Variants in PSG2 observed in about 807,000 individuals in gnomAD.
PSG2 encodes the protein pregnancy-specific beta-1-glycoprotein 2.
A neutral mutation model predicts 36.2 loss-of-function variants in PSG2; 49 were observed. The ratio of observed to expected loss-of-function variants is 1.35; its 90% CI spans 1.08 to 1.72. The LOEUF (loss-of-function observed/expected upper bound fraction) is 1.72, where lower values mean the gene tolerates loss of function less well. PSG2 is among the 40% of genes most tolerant of loss of function. The probability of loss-of-function intolerance (pLI) is 0.00; values close to 1 mark genes in which losing one functional copy is unlikely to be tolerated. For missense variants in PSG2, 605 were observed against 407.2 expected (o/e 1.49, Z -4.18); for synonymous variants, 261 against 155.6 (o/e 1.68, Z -5.04).
chr19:43,077,119 T>G (rs1366127596), intron 2 of PSG2, among the ~76,000 whole-genome samples: 1 of 151,660 alleles, frequency 6.6e-6, no homozygotes, highest in Non-Finnish European at 1.5e-5. Context: ...AAGTGGAAAT[T>G]TTTACTGATG....
At chr19:43,066,014 A>G (rs1248998687) in intron 5 of PSG2, 2 of 157,560 alleles carry the variant, frequency 1.3e-5, no homozygotes, top group African/African-American at 2.4e-5. Flanking sequence ...AGGTAAAGGA[A>G]GTGAGAAGCC....
chr19:43,079,291 C>T (rs1363515299), intron 2 of PSG2, among the ~76,000 whole-genome samples: 2 of 151,326 alleles, frequency 1.3e-5, no homozygotes, highest in Non-Finnish European at 2.9e-5. Flanking sequence ...ACCAAGGAGC[C>T]CTGAGAACCC....
At chr19:43,082,264 C>T (rs984818757) in intron 1 of PSG2, 3 of 526,100 alleles carry the variant, frequency 5.7e-6, no homozygotes, top group Admixed American at 6.9e-5. Context: ...CCACAGCCTC[C>T]TGAGTAGCTG....
chr19:43,080,928 C>A lies in PSG2; in HGVS notation c.383G>T (p.Gly128Val), dbSNP rs1454741036. Residue 128 changes from glycine to valine, a missense_variant, in exon 2 of 6, where the codon GGT (glycine) becomes GTT (valine). Gly to Val is a moderately radical substitution (Grantham distance 109). Coordinates refer to ENST00000406487, the MANE Select transcript of PSG2 (RefSeq NM_031246.4). ...TCCAGTTACTCCTCTAGTCCCATCA[C>A]CTCGCTTTATGATGTGTAAGGTGTA... ...GSYTLHIIKR[G>V]DGTRGVTGYF... 4 of 1,612,788 alleles carry A rather than the reference C, an allele frequency of 2.5e-6. No homozygotes were observed. Among genetic ancestry groups the A allele is most frequent in the Non-Finnish European group, 3.4e-6 (4 of 1,179,510 alleles).
In PSG2 at chr19:43,082,516, G is replaced by A; in HGVS notation, c.54C>T (p.Leu18=). 4 of 1,611,788 alleles carry A rather than the reference G, an allele frequency of 2.5e-6. No homozygotes were observed. The highest frequency in any genetic ancestry group is 3.4e-6 in the Non-Finnish European group (4 of 1,178,990). Residue 18 remains leucine, a synonymous_variant, in exon 1 of 6, where the codon CTC becomes CTT. Coordinates refer to ENST00000406487, the MANE Select transcript of PSG2 (RefSeq NM_031246.4). The stretch of plus-strand genomic sequence containing the variant: ...AAGTTCTCTCCTCACCTGTGACCAG[G>A]AGCCCCTTCCATTTGATGTGCTCTG... ...PCTEHIKWKG[L]LVTASLLNFW...
chr19:43,066,559 A>G lies in PSG2; in HGVS notation c.1006T>C (p.Ter336GlnextTer3). The G allele has an allele frequency of 6.3e-7, 1 of 1,596,536 alleles. No homozygotes were observed. The highest frequency in any genetic ancestry group is 8.6e-7 in the Non-Finnish European group (1 of 1,164,822). ...ATACAGAAATGACATCACAGCTGCT[A>G]TGTTGGATTAAGGAGAGGAAGAAGT... ...IGLLPLLNPT[*>Q] is the part of the protein sequence containing the mutation. The change falls in exon 5 of 6, where the codon TAG becomes CAG. Residue 336 changes from the stop codon to glutamine, a stop_lost. Transcript: ENST00000406487.
At chr19:43,069,644 G>C (rs1005779452) in intron 4 of PSG2, among the ~76,000 whole-genome samples, 15 of 151,606 alleles carry the variant, frequency 9.9e-5, no homozygotes, top group Non-Finnish European at 1.6e-4. Context: ...GGGAAAGCTG[G>C]ATATTCAAGG....
intron 5 of PSG2, 124 bp from the exon 6 acceptor site, chr19:43,064,725 T>C (rs12977426): frequency 0.16 from 58,495 of 355,216 alleles, 6,267 homozygotes; most frequent in Non-Finnish European, 0.22. Flanking sequence ...GAGAATTTAT[T>C]ATGGTAAAGA....
intron 1 of PSG2, 119 bp downstream of exon 1, chr19:43,082,387 A>C: frequency 6.8e-7 from 1 of 1,472,678 alleles, no homozygotes; most frequent in Non-Finnish European, 9.4e-7. Flanking sequence ...TGATCCACCC[A>C]CCTCAGCCTC....
chr19:43,074,322 C>T (rs1334568395), intron 3 of PSG2, among the ~76,000 whole-genome samples: 1 of 151,678 alleles, frequency 6.6e-6, no homozygotes, highest in Non-Finnish European at 1.5e-5. Flanking sequence ...TCTTCCAATC[C>T]ATGAAAATGA....
intron 2 of PSG2, 121 bp downstream of exon 2, chr19:43,080,760 C>T: frequency 1.3e-6 from 2 of 1,587,356 alleles, no homozygotes; most frequent in South Asian, 1.1e-5. Flanking sequence ...ATGCCCAAAC[C>T]CCAGCATGGG....
chr19:43,081,315 G>C, intron 1 of PSG2, 69 bp from the exon 2 acceptor site: 2 of 1,546,678 alleles, frequency 1.3e-6, no homozygotes, highest in Non-Finnish European at 1.7e-6. Context: ...GGGGCCCTGG[G>C]TCCTGAGGAG....
In PSG2 at chr19:43,082,399, C is replaced by T. The variant is rs1382768989; in HGVS notation, c.64+107G>A. ...TCGTGATCCACCCACCTCAGCCTCC[C>T]TAAGTGCTGGCTTCTTTCATTTTTT... On this transcript the variant is annotated intron_variant, in intron 1 of 5. Coordinates refer to ENST00000406487, the MANE Select transcript of PSG2 (RefSeq NM_031246.4). 8 of 1,522,622 alleles carry T rather than the reference C, an allele frequency of 5.3e-6. 1 individual carries two copies. In the Admixed American group the frequency reaches 1.2e-4, roughly 23 times the overall value. 94.3% of individuals were successfully genotyped at this position (1,522,622 alleles called of 1,614,324 possible).
rs747618487 is a variant in PSG2 at position 43,075,550 on chromosome 19, A to C, written c.513T>G (p.Pro171=). The change falls in exon 3 of 6, where the codon CCT becomes CCG. Residue 171 remains proline, a synonymous_variant. Coordinates refer to ENST00000406487, the MANE Select transcript of PSG2 (RefSeq NM_031246.4). The part of the protein sequence containing the change: ...AMETVILTCD[P]ETPDTSYQWW... The stretch of plus-strand genomic sequence containing the variant: ...ACTGGTAGCTTGTGTCCGGAGTCTC[A>C]GGATCACAGGTTAAGATCACAGTTT... 6 of 1,613,210 alleles carry C rather than the reference A, an allele frequency of 3.7e-6. No individual in the cohort carries two copies. The African/African-American group carries it at 4.0e-5, about 11-fold the overall frequency.
chr19:43,082,171 C>T (rs1438302104), intron 1 of PSG2: 10 of 129,118 alleles, frequency 7.7e-5, no homozygotes, highest in Non-Finnish European at 1.1e-4. Flanking sequence ...GACGGAGTCT[C>T]GTACTGTCGC....
chr19:43,079,417 A>G (rs1967940015), intron 2 of PSG2, among the ~76,000 whole-genome samples: 1 of 151,394 alleles, frequency 6.6e-6, no homozygotes. Context: ...AGGTGTGGCT[A>G]GGACCTCCTA....
intron 4 of PSG2, among the ~76,000 whole-genome samples, chr19:43,067,605 A>T (rs1967757613): frequency 6.6e-6 from 1 of 151,412 alleles, no homozygotes; most frequent in Admixed American, 6.6e-5. Flanking sequence ...ACAGAAGCTT[A>T]GCGTGGTGTA....
Position 43,077,273 on chromosome 19 carries a change from T to TAG in PSG2, c.431-1643_431-1642dup, listed in dbSNP as rs1389402872. ...GATTGGAAATTAGCAGCTCCTTAAG[T>TAG]AGAGAGAGTCCCGTTAAAAGGACAG... is the stretch of plus-strand genomic sequence containing the variant. On this transcript the variant is annotated intron_variant, in intron 2 of 5. Coordinates refer to ENST00000406487, the MANE Select transcript of PSG2 (RefSeq NM_031246.4). Among the ~76,000 whole-genome samples the TAG allele has an allele frequency of 4.0e-5, 6 of 151,608 alleles. No individual in the cohort carries two copies. The South Asian group carries it at 1.0e-3, about 26-fold the overall frequency.
In PSG2 at chr19:43,075,395, C is replaced by A. The variant is rs762614620; in HGVS notation, c.668G>T (p.Gly223Val). Residue 223 changes from glycine (G) to valine (V), a missense_variant, in exon 3 of 6, where the codon GGG (glycine) becomes GTG (valine). Gly to Val is a moderately radical substitution (Grantham distance 109). Transcript: ENST00000406487. ...GPYECEIRNS[G>V]SASRSDPVTL... ...GACTGGGTCACTGCGGCTGGCACTC[C>A]CTGAGTTCCGTATTTCACATTCATA... 8.7e-6 allele frequency: 14 copies of A among 1,612,952 alleles called. No homozygotes were observed. In the South Asian group the frequency reaches 9.9e-5, roughly 11 times the overall value.
Sources: gnomAD v4.1 joint callset for allele counts (sites outside exome capture counted in the v4.1 genomes callset) on GRCh38, gnomAD v4.1.1 for gene constraint, MANE v1.5 for transcripts, NCBI Gene and HGNC (gene_info 2026-07-23, HGNC 2026-07-21) for gene names.